PHACTR1: variants seen among roughly 807,000 people sequenced by gnomAD.
PHACTR1 encodes phosphatase and actin regulator 1, also known as RPEL repeat containing 1.
A neutral mutation model predicts 69.2 loss-of-function variants in PHACTR1; 16 were observed. The observed-to-expected ratio is 0.23, with a 90% confidence interval of 0.16 to 0.35. The LOEUF is 0.35. PHACTR1 is among the 10% of genes least tolerant of loss of function. The pLI, the probability that PHACTR1 is intolerant of heterozygous loss-of-function variation, is 1.00. For missense variants in PHACTR1, 510 were observed against 734.7 expected (o/e 0.69, Z 3.54); for synonymous variants, 312 against 284.5 (o/e 1.10, Z -0.97).
At chr6:13,280,891 G>A (rs1006158901) in intron 12 of PHACTR1, 21 of 1,199,564 alleles carry the variant, frequency 1.8e-5, no homozygotes, top group East Asian at 5.7e-5. Context: ...CCAAAGGTGC[G>A]TCTTCTGAGC....
chr6:12,992,241 A>AT (rs1371028503), intron 4 of PHACTR1, among the ~76,000 whole-genome samples: 2 of 152,232 alleles, frequency 1.3e-5, no homozygotes, highest in African/African-American at 4.8e-5. Flanking sequence ...AAGTCCCTTC[A>AT]TGGGGCTTCA....
At chr6:12,737,871 C>A (rs141244125) in intron 3 of PHACTR1, among the ~76,000 whole-genome samples, 469 of 152,336 alleles carry the variant, frequency 3.1e-3, no homozygotes, top group African/African-American at 0.011. Flanking sequence ...AGGCATGAGT[C>A]ACCATGCCTG....
At chr6:13,182,789 C>G in intron 7 of PHACTR1, 103 bp downstream of exon 7, 1 of 1,198,026 alleles carries the variant, frequency 8.3e-7, no homozygotes, top group Non-Finnish European at 1.1e-6. Context: ...TTTGGACTAT[C>G]CTGAGCGTAA....
chr6:12,991,250 G>A (rs1022128153), intron 4 of PHACTR1, among the ~76,000 whole-genome samples: 1 of 152,152 alleles, frequency 6.6e-6, no homozygotes, highest in Non-Finnish European at 1.5e-5. Flanking sequence ...TGAGATGGTT[G>A]CTAACACACT....
At chr6:12,769,824 T>C (rs1769151693) in intron 4 of PHACTR1, among the ~76,000 whole-genome samples, 4 of 152,202 alleles carry the variant, frequency 2.6e-5, no homozygotes, top group Admixed American at 2.6e-4. Flanking sequence ...TCTGTACAGA[T>C]AGATCTGTGT....
intron 5 of PHACTR1, among the ~76,000 whole-genome samples, chr6:13,063,610 C>CAAA (rs57064391): frequency 1.3e-4 from 19 of 141,826 alleles, no homozygotes; most frequent in African/African-American, 5.0e-4. Flanking sequence ...CCCATTACCA[C>CAAA]AAAAAAAAAA....
At chr6:13,045,502 T>C (rs1804880818) in intron 4 of PHACTR1, among the ~76,000 whole-genome samples, 1 of 152,210 alleles carries the variant, frequency 6.6e-6, no homozygotes, top group Admixed American at 6.5e-5. Flanking sequence ...GCATTAGTCA[T>C]GTGGCCTCTT....
chr6:12,754,923 A>T (rs1400101355), intron 4 of PHACTR1, among the ~76,000 whole-genome samples: 3 of 152,232 alleles, frequency 2.0e-5, no homozygotes, highest in Non-Finnish European at 2.9e-5. Context: ...ACACTATTTT[A>T]TGTAAAGGAT....
intron 4 of PHACTR1, among the ~76,000 whole-genome samples, chr6:12,795,445 T>C (rs954829831): frequency 6.6e-6 from 1 of 152,184 alleles, no homozygotes; most frequent in Non-Finnish European, 1.5e-5. Flanking sequence ...GATAAAGACA[T>C]TTTGAGCACA....
chr6:13,078,748 A>G (rs191499690), intron 5 of PHACTR1, among the ~76,000 whole-genome samples: 104 of 152,304 alleles, frequency 6.8e-4, no homozygotes, highest in Non-Finnish European at 1.1e-3. Context: ...AGTAATAGTA[A>G]TCCTTCCCCC....
intron 4 of PHACTR1, among the ~76,000 whole-genome samples, chr6:12,971,231 A>G (rs1299327657): frequency 3.9e-5 from 6 of 152,146 alleles, no homozygotes; most frequent in Admixed American, 3.3e-4. Flanking sequence ...CTCTGATTCC[A>G]TCTTCACCCA....
At chr6:12,853,300 A>G (rs557944693) in intron 4 of PHACTR1, among the ~76,000 whole-genome samples, 4 of 152,204 alleles carry the variant, frequency 2.6e-5, no homozygotes, top group African/African-American at 4.8e-5. Context: ...TTTCTTTCCT[A>G]TTCATGGACT....
At chr6:12,799,572 G>A (rs1444028068) in intron 4 of PHACTR1, among the ~76,000 whole-genome samples, 2 of 152,066 alleles carry the variant, frequency 1.3e-5, no homozygotes, top group Admixed American at 1.3e-4. Context: ...ATTTCTTTTG[G>A]GTTGGACAAG....
At position 13,053,361 on chromosome 6, in the gene PHACTR1, C is replaced by A. The variant is rs769743668; in HGVS notation, c.251-4C>A. On this transcript the variant is annotated splice_polypyrimidine_tract_variant and splice_region_variant and intron_variant, in intron 4 of 14. Transcript: ENST00000332995. ...GTTTTCATCTCTTTCTTGGAAATAA[C>A]AAGCTGAGGAAGTGGAGAGGCTGGC... 6 of 1,585,620 alleles carry A rather than the reference C, an allele frequency of 3.8e-6. No individual in the cohort carries two copies. The highest frequency in any genetic ancestry group is 5.1e-6 in the Non-Finnish European group (6 of 1,166,034).
At position 12,897,623 on chromosome 6, in the gene PHACTR1, A is replaced by G. The variant is rs7755138; in HGVS notation, c.250+147833A>G. Among the ~76,000 whole-genome samples, 698 of 152,126 alleles carry G rather than the reference A, an allele frequency of 4.6e-3. 3 individuals carry two copies. Among genetic ancestry groups the G allele is most frequent in the Non-Finnish European group, 8.1e-3 (549 of 67,984 alleles). On this transcript the variant is annotated intron_variant, in intron 4 of 14. Coordinates refer to ENST00000332995, the MANE Select transcript of PHACTR1 (RefSeq NM_030948.6). ...CCTCAATTTGGCTGTAGCCTCTCCCATTCCACTAAGCCCTCTCCAGCCAAA... is the reference window on the plus strand; with the variant it reads ...CCTCAATTTGGCTGTAGCCTCTCCCGTTCCACTAAGCCCTCTCCAGCCAAA...
chr6:12,998,836 A>G (rs1053448506), intron 4 of PHACTR1, among the ~76,000 whole-genome samples: 1 of 152,190 alleles, frequency 6.6e-6, no homozygotes. Context: ...TCAATAAACA[A>G]GTGGACAAAA....
rs1039640839 is a variant in PHACTR1 at position 12,876,934 on chromosome 6, AGAT to A, written c.250+127147_250+127149del. Among the ~76,000 whole-genome samples the A allele has an allele frequency of 3.7e-4, 56 of 152,290 alleles. 2 individuals carry two copies. Among genetic ancestry groups the A allele is most frequent in the African/African-American group, 1.3e-3 (55 of 41,564 alleles). On this transcript the variant is annotated intron_variant, in intron 4 of 14. Coordinates refer to ENST00000332995, the MANE Select transcript of PHACTR1 (RefSeq NM_030948.6). ...TAAATCCCAGTACAAAATCAAGAGA[AGAT>A]GAGATGAGATGTTTCTAGCAGTTGT...
At chr6:13,127,591 AG>A (rs1419111923) in intron 5 of PHACTR1, among the ~76,000 whole-genome samples, 62 of 152,170 alleles carry the variant, frequency 4.1e-4, no homozygotes, top group Admixed American at 4.1e-3. Flanking sequence ...GGAAAATAGA[AG>A]GAAGGTCACC....
At chr6:12,887,472 T>C (rs184733155) in intron 4 of PHACTR1, among the ~76,000 whole-genome samples, 2 of 152,310 alleles carry the variant, frequency 1.3e-5, no homozygotes, top group East Asian at 3.9e-4. Flanking sequence ...TCATAGCCTC[T>C]TTCCTCCATC....
Sources: allele counts gnomAD v4.1 joint callset (sites outside exome capture counted in the v4.1 genomes callset), GRCh38; gene constraint gnomAD v4.1.1; transcripts MANE v1.5; gene names NCBI Gene and HGNC (gene_info 2026-07-23, HGNC 2026-07-21).